NALCN: variants seen among roughly 807,000 people sequenced by gnomAD.
NALCN encodes the protein sodium leak channel, non-selective, also known as sodium leak channel NALCN.
Under a neutral mutation model 225.3 loss-of-function variants are expected in NALCN, and 111 were observed. The ratio of observed to expected loss-of-function variants is 0.49; its 90% CI spans 0.42 to 0.58. The LOEUF (loss-of-function observed/expected upper bound fraction) is 0.58, where lower values mean the gene tolerates loss of function less well. Ranked by LOEUF, NALCN falls within the 20% of genes least tolerant of loss-of-function variation. NALCN has a pLI of 0.00. For synonymous variants in NALCN, 764 were observed against 769.0 expected, an observed-to-expected ratio of 0.99 and a Z score of 0.11; for missense variants, 1,378 against 2,202.4, an observed-to-expected ratio of 0.63 and a Z score of 7.49.
intron 11 of NALCN, among the ~76,000 whole-genome samples, chr13:101,251,547 T>A (rs1173059091): frequency 2.6e-5 from 4 of 152,158 alleles, no homozygotes; most frequent in Admixed American, 2.6e-4. Context: ...GTTATAATAT[T>A]TTCTCTATGT....
intron 18 of NALCN, among the ~76,000 whole-genome samples, chr13:101,113,675 A>G (rs1267887241): frequency 1.3e-5 from 2 of 152,244 alleles, no homozygotes; most frequent in East Asian, 3.8e-4. Flanking sequence ...GTGTTTTAAC[A>G]TGCACAGTAT....
intron 18 of NALCN, among the ~76,000 whole-genome samples, chr13:101,115,486 T>C (rs533681295): frequency 6.6e-6 from 1 of 152,258 alleles, no homozygotes; most frequent in African/African-American, 2.4e-5. Flanking sequence ...AAATAGTGAG[T>C]AACTACAAAA....
chr13:101,355,223 C>T lies in NALCN; in HGVS notation c.645-9803G>A, dbSNP rs149806072. Among the ~76,000 whole-genome samples the T allele has an allele frequency of 5.4e-3, 823 of 152,138 alleles. 7 individuals carry two copies. The highest frequency in any genetic ancestry group is 0.019 in the African/African-American group (781 of 41,522). ...CTGGAGAACCATGAGCCAATTAAAC[C>T]TTTCTTCTTTATAAAATACCCAGTC... is the stretch of plus-strand genomic sequence containing the variant. On this transcript the variant is annotated intron_variant, in intron 6 of 43. Coordinates refer to ENST00000251127, the MANE Select transcript of NALCN (RefSeq NM_052867.4).
At chr13:101,390,927 GGA>G (rs2047125667) in intron 3 of NALCN, among the ~76,000 whole-genome samples, 1 of 150,982 alleles carries the variant, frequency 6.6e-6, no homozygotes, top group African/African-American at 2.4e-5. Context: ...GGGGGAGGGA[GGA>G]GGGATAGCAT....
chr13:101,116,348 G>C (rs1392903312), intron 18 of NALCN: 2 of 252,722 alleles, frequency 7.9e-6, no homozygotes, highest in Non-Finnish European at 1.6e-5. Flanking sequence ...TTTTATGGAC[G>C]TTGGGGAAAG....
At chr13:101,184,767 T>C (rs373480782) in intron 14 of NALCN, among the ~76,000 whole-genome samples, 7 of 152,322 alleles carry the variant, frequency 4.6e-5, no homozygotes, top group African/African-American at 1.7e-4. Flanking sequence ...ATTTTCTGGT[T>C]GAAAATTTCT....
At chr13:101,125,146 T>G (rs1421311038) in intron 17 of NALCN, among the ~76,000 whole-genome samples, 2 of 152,024 alleles carry the variant, frequency 1.3e-5, no homozygotes, top group Non-Finnish European at 2.9e-5. Flanking sequence ...TCTTCCTAGT[T>G]GGCGATGATA....
chr13:101,066,887 CTTG>C (rs1338580517), intron 39 of NALCN, among the ~76,000 whole-genome samples: 2 of 152,118 alleles, frequency 1.3e-5, no homozygotes, highest in African/African-American at 4.8e-5. Context: ...CAGAACTTTC[CTTG>C]TTGTTCAGAC....
intron 9 of NALCN, among the ~76,000 whole-genome samples, chr13:101,289,666 T>C (rs2043478856): frequency 6.6e-6 from 1 of 152,082 alleles, no homozygotes; most frequent in South Asian, 2.1e-4. Flanking sequence ...ATTTAACAAC[T>C]GCAAATTTTC....
At chr13:101,404,612 T>TA (rs1224516890) in intron 1 of NALCN, among the ~76,000 whole-genome samples, 1 of 152,230 alleles carries the variant, frequency 6.6e-6, no homozygotes, top group East Asian at 1.9e-4. Context: ...TTAGGGTGCT[T>TA]ACTCTCCAAG....
At chr13:101,131,633 G>A (rs1166831866) in intron 17 of NALCN, among the ~76,000 whole-genome samples, 1 of 152,102 alleles carries the variant, frequency 6.6e-6, no homozygotes, top group Non-Finnish European at 1.5e-5. Context: ...CAAAGAAGAT[G>A]TTCTACCATT....
chr13:101,322,585 TTGA>T (rs1414722725), intron 7 of NALCN, among the ~76,000 whole-genome samples: 2 of 152,250 alleles, frequency 1.3e-5, no homozygotes, highest in Non-Finnish European at 2.9e-5. Context: ...AAGGTTGGAC[TTGA>T]TGATCTCATA....
intron 11 of NALCN, among the ~76,000 whole-genome samples, chr13:101,253,385 A>G (rs552852067): frequency 7.2e-5 from 11 of 152,312 alleles, no homozygotes; most frequent in Admixed American, 1.3e-4. Flanking sequence ...GGAACTTAAA[A>G]AATAACTTCT....
chr13:101,085,181 T>C (rs1026726133), intron 30 of NALCN, among the ~76,000 whole-genome samples: 5 of 152,218 alleles, frequency 3.3e-5, no homozygotes, highest in African/African-American at 1.2e-4. Context: ...TGCTGGATAC[T>C]AATCTTTTAT....
At chr13:101,102,729 T>C (rs1391261842) in intron 26 of NALCN, among the ~76,000 whole-genome samples, 2 of 152,218 alleles carry the variant, frequency 1.3e-5, no homozygotes, top group Non-Finnish European at 2.9e-5. Context: ...ATGTTAACAC[T>C]CCTGAGATCT....
chr13:101,303,928 T>C (rs1454526015), intron 7 of NALCN, among the ~76,000 whole-genome samples: 3 of 152,194 alleles, frequency 2.0e-5, no homozygotes, highest in Admixed American at 6.5e-5. Flanking sequence ...CTGGAAACAC[T>C]AGCTAAACTC....
chr13:101,359,321 C>T (rs1175168856), intron 6 of NALCN, among the ~76,000 whole-genome samples: 1 of 152,116 alleles, frequency 6.6e-6, no homozygotes, highest in African/African-American at 2.4e-5. Context: ...GATGCTTGCT[C>T]CCTAGGGTGC....
intron 28 of NALCN, among the ~76,000 whole-genome samples, chr13:101,093,453 G>C (rs575597699): frequency 6.6e-6 from 1 of 152,248 alleles, no homozygotes; most frequent in South Asian, 2.1e-4. Context: ...TTATTAGATC[G>C]AAGGTGTCTA....
At chr13:101,359,396 C>A (rs189835733) in intron 6 of NALCN, among the ~76,000 whole-genome samples, 1 of 152,126 alleles carries the variant, frequency 6.6e-6, no homozygotes, top group East Asian at 1.9e-4. Context: ...TCTTGAGCTT[C>A]GCATAAAACT....
Sources: gnomAD v4.1 joint callset for allele counts (sites outside exome capture counted in the v4.1 genomes callset) on GRCh38, gnomAD v4.1.1 for gene constraint, MANE v1.5 for transcripts, NCBI Gene and HGNC (gene_info 2026-07-23, HGNC 2026-07-21) for gene names.